COPA: variants seen among roughly 807,000 people sequenced by gnomAD.
The protein encoded by COPA is coatomer subunit alpha.
Under a neutral mutation model 158.7 loss-of-function variants are expected in COPA, and 10 were observed. That is an observed-to-expected ratio of 0.06 (90% CI 0.04 to 0.11). The LOEUF (loss-of-function observed/expected upper bound fraction) is 0.11, where lower values mean the gene tolerates loss of function less well. COPA is among the 10% of genes least tolerant of loss of function. The probability of loss-of-function intolerance (pLI) is 1.00; values close to 1 mark genes in which losing one functional copy is unlikely to be tolerated. For synonymous variants in COPA, 462 were observed against 542.8 expected (o/e 0.85, Z 2.07); for missense variants, 1,065 against 1,536.7 (o/e 0.69, Z 5.13).
In COPA at chr1:160,294,840, C is replaced by A; in HGVS notation, c.2494G>T (p.Ala832Ser). ...ACAGTGTCAATGTCAATGTCAGCAG[C>A]CAGTGCTCCTCCCTTCCCTACAGAG... Reference protein sequence around the residue: ...IASKGKGGALAADIDIDTVGT... With the variant: ...IASKGKGGALSADIDIDTVGT... Residue 832 changes from alanine to serine, a missense_variant, in exon 24 of 33, where the codon GCT becomes TCT. Ala to Ser is a moderately conservative substitution (Grantham distance 99). Around this residue, in one of 2 missense-constraint regions of COPA, gnomAD observed 980 missense variants for 1,357.8 expected, o/e 0.72. Transcript: ENST00000241704. 3 of 1,614,140 alleles carry A rather than the reference C, an allele frequency of 1.9e-6. No individual in the cohort carries two copies. The highest frequency in any genetic ancestry group is 2.5e-6 in the Non-Finnish European group (3 of 1,179,998).
chr1:160,301,856 TA>T (rs942016329), intron 17 of COPA, among the ~76,000 whole-genome samples: 26 of 143,472 alleles, frequency 1.8e-4, no homozygotes, highest in Admixed American at 2.8e-4. Context: ...TTTACCAAGG[TA>T]AAAAAAAAAA....
Position 160,343,229 on chromosome 1 carries a change from C to A in COPA, c.-59G>T. ...AGCCCCGACACACCCTGCTGCCCTT[C>A]GGACGCCTCCACGTCAGCGACCCTC... On this transcript the variant is annotated 5_prime_UTR_variant, in exon 1 of 33. Transcript: ENST00000241704. 4 of 1,608,644 alleles carry A rather than the reference C, an allele frequency of 2.5e-6. No homozygotes were observed. The highest frequency in any genetic ancestry group is 3.4e-6 in the Non-Finnish European group (4 of 1,174,980).
intron 21 of COPA, 26 bp from the exon 22 acceptor site, chr1:160,296,175 A>C (rs568518426): frequency 6.2e-7 from 1 of 1,601,516 alleles, no homozygotes; most frequent in African/African-American, 1.3e-5. Context: ...ACTTTGTGGT[A>C]TAGGTACATT....
intron 17 of COPA, among the ~76,000 whole-genome samples, chr1:160,300,712 T>C (rs1247175780): frequency 6.6e-6 from 1 of 152,206 alleles, no homozygotes; most frequent in Non-Finnish European, 1.5e-5. Context: ...CACTTATAAA[T>C]ATGTGAAAAC....
chr1:160,290,287 A>G, intron 32 of COPA, 71 bp from the exon 33 acceptor site: 1 of 1,544,896 alleles, frequency 6.5e-7, no homozygotes, highest in African/African-American at 1.4e-5. Flanking sequence ...TGTATTCCCT[A>G]TACCCCTCAA....
chr1:160,309,531 GA>G (rs1247618582), intron 12 of COPA, among the ~76,000 whole-genome samples: 11 of 139,584 alleles, frequency 7.9e-5, no homozygotes, highest in Non-Finnish European at 7.8e-5. Flanking sequence ...CTCTGGAAAG[GA>G]AAAAAAAAAG....
chr1:160,298,300 A>C (rs967983363), intron 19 of COPA, among the ~76,000 whole-genome samples: 1 of 152,206 alleles, frequency 6.6e-6, no homozygotes, highest in Non-Finnish European at 1.5e-5. Context: ...TTACTTTTAC[A>C]ACAAAACCAC....
chr1:160,312,669 C>T (rs184863354), intron 10 of COPA, among the ~76,000 whole-genome samples: 32 of 152,312 alleles, frequency 2.1e-4, no homozygotes, highest in African/African-American at 6.7e-4. Context: ...GGCCAGACCT[C>T]ACCTGTTACT....
rs150304220 is a variant in COPA, at chr1:160,318,157, T to G, written c.707-4032A>C. On this transcript the variant is annotated intron_variant, in intron 8 of 32. Coordinates refer to ENST00000241704, the MANE Select transcript of COPA (RefSeq NM_004371.4). ...TGACCTTTCCTTAACTTCAAGCTAC[T>G]CTTAAATTTGAGGGTCTGGACCAAA... Among the ~76,000 whole-genome samples, 4 of 152,226 alleles carry G rather than the reference T, an allele frequency of 2.6e-5. No individual in the cohort carries two copies. In the East Asian group the frequency reaches 7.7e-4, roughly 29 times the overall value.
At chr1:160,320,519 G>A (rs1326168806) in intron 8 of COPA, among the ~76,000 whole-genome samples, 7 of 132,366 alleles carry the variant, frequency 5.3e-5, no homozygotes, top group African/African-American at 2.0e-4. Context: ...TGAGGCAGGA[G>A]AATTGTTTGA....
intron 8 of COPA, among the ~76,000 whole-genome samples, chr1:160,314,778 C>T (rs1659081240): frequency 6.6e-6 from 1 of 152,160 alleles, no homozygotes; most frequent in African/African-American, 2.4e-5. Flanking sequence ...CATTTTAGAA[C>T]AAATATGAGC....
At chr1:160,290,721 G>A (rs991674708) in intron 31 of COPA, 35 bp from the exon 32 acceptor site, 3 of 1,599,490 alleles carry the variant, frequency 1.9e-6, no homozygotes, top group Non-Finnish European at 2.6e-6. Context: ...GAGGACAGAA[G>A]GCTGCAGACA....
At position 160,299,114 on chromosome 1, in the gene COPA, T is replaced by C; in HGVS notation, c.1818A>G (p.Arg606=). The C allele has an allele frequency of 6.2e-7, 1 of 1,614,096 alleles. No homozygotes were observed. Among genetic ancestry groups the C allele is most frequent in the Non-Finnish European group, 8.5e-7 (1 of 1,179,958 alleles). ...EFKFKLALIN[R]KYDEVLHMVR... ...CCTCACTTCATACCTCATCATATTT[T>C]CTGTTGATCAGGGCCAGCTTGAATT... The change falls in exon 18 of 33, where the codon AGA becomes AGG. Residue 606 remains arginine, a synonymous_variant. Transcript: ENST00000241704.
intron 17 of COPA, among the ~76,000 whole-genome samples, chr1:160,304,628 C>A (rs1210770122): frequency 6.6e-6 from 1 of 151,952 alleles, no homozygotes; most frequent in African/African-American, 2.4e-5. Flanking sequence ...CACACCACTG[C>A]ACTCCAGCCT....
At chr1:160,299,318 A>G (rs1658520015) in intron 17 of COPA, 54 bp from the exon 18 acceptor site, 2 of 1,539,462 alleles carry the variant, frequency 1.3e-6, no homozygotes, top group Admixed American at 3.6e-5. Flanking sequence ...CCATCCTGTG[A>G]AGAAACGGAA....
At chr1:160,326,650 G>A (rs1647232527) in intron 6 of COPA, among the ~76,000 whole-genome samples, 1 of 152,228 alleles carries the variant, frequency 6.6e-6, no homozygotes, top group Non-Finnish European at 1.5e-5. Flanking sequence ...CAAAACAGCT[G>A]TTTGGTAGAA....
intron 8 of COPA, among the ~76,000 whole-genome samples, chr1:160,315,276 A>G (rs1455096451): frequency 6.6e-6 from 1 of 152,188 alleles, no homozygotes; most frequent in Non-Finnish European, 1.5e-5. Context: ...GACTTAACCC[A>G]TGGGAAGCAT....
chr1:160,336,730 T>G (rs2101876619), intron 3 of COPA, among the ~76,000 whole-genome samples: 1 of 152,338 alleles, frequency 6.6e-6, no homozygotes, highest in South Asian at 2.1e-4. Flanking sequence ...AAATTTCTTT[T>G]TAATATTTGT....
At position 160,294,821 on chromosome 1, in the gene COPA, T is replaced by A; in HGVS notation, c.2513A>T (p.Asp838Val). Reference sequence around the variant, plus strand: ...TCCCCAGCCCTCTGTACCAACAGTGTCAATGTCAATGTCAGCAGCCAGTGC... The same window carrying A: ...TCCCCAGCCCTCTGTACCAACAGTGACAATGTCAATGTCAGCAGCCAGTGC... ...GGALAADIDI[D>V]TVGTEGWGED... The change falls in exon 24 of 33, where the codon GAC becomes GTC. Residue 838 changes from aspartate (D) to valine (V), a missense_variant. By Grantham distance (152) the Asp-to-Val change is radical. Coordinates refer to ENST00000241704, the MANE Select transcript of COPA (RefSeq NM_004371.4). The A allele has an allele frequency of 6.2e-7, 1 of 1,613,678 alleles. No individual in the cohort carries two copies. Among genetic ancestry groups the A allele is most frequent in the South Asian group, 1.1e-5 (1 of 91,072 alleles).
Sources: allele counts gnomAD v4.1 joint callset (sites outside exome capture counted in the v4.1 genomes callset), GRCh38; gene constraint gnomAD v4.1.1; regional missense constraint gnomAD v4.1.1; transcripts MANE v1.5; gene names NCBI Gene and HGNC (gene_info 2026-07-23, HGNC 2026-07-21).